SPTBN1: variants seen among roughly 807,000 people sequenced by gnomAD.
SPTBN1 encodes spectrin beta chain, non-erythrocytic 1.
In SPTBN1, 32 loss-of-function variants were observed where a neutral mutation model predicts 266.4. The ratio of observed to expected loss-of-function variants is 0.12; its 90% CI spans 0.09 to 0.16. SPTBN1 has a LOEUF of 0.16. Among genes scored for constraint, SPTBN1 ranks in the 10% least tolerant of loss-of-function variants. The pLI is 1.00. For missense variants in SPTBN1, 2,296 were observed against 3,067.1 expected (o/e 0.75, Z 5.94); for synonymous variants, 1,336 against 1,162.2 (o/e 1.15, Z -3.04).
chr2:54,542,642 A>G (rs1233707334), intron 2 of SPTBN1, among the ~76,000 whole-genome samples: 2 of 152,166 alleles, frequency 1.3e-5, no homozygotes, highest in Admixed American at 1.3e-4. Context: ...AGGAAGGCAC[A>G]GGGAGGAACG....
At chr2:54,643,154 C>T (rs1165074884) in intron 19 of SPTBN1, 25 bp downstream of exon 19, 2 of 1,613,136 alleles carry the variant, frequency 1.2e-6, no homozygotes, top group East Asian at 2.2e-5. Context: ...TTGATGTGGC[C>T]ATGGTGAGAA....
At chr2:54,659,884 T>C in intron 31 of SPTBN1, 52 bp from the exon 32 acceptor site, 3 of 1,587,836 alleles carry the variant, frequency 1.9e-6, no homozygotes, top group Non-Finnish European at 2.6e-6. Flanking sequence ...TACTGTTTCC[T>C]CTTTCTCCTC....
At chr2:54,562,224 CCACTT>C (rs1422530058) in intron 2 of SPTBN1, among the ~76,000 whole-genome samples, 9 of 152,324 alleles carry the variant, frequency 5.9e-5, no homozygotes, top group Non-Finnish European at 1.2e-4. Context: ...AACCATCTCT[CCACTT>C]CACATCAGCC....
chr2:54,545,809 A>G (rs1051382758), intron 2 of SPTBN1, among the ~76,000 whole-genome samples: 1 of 152,074 alleles, frequency 6.6e-6, no homozygotes, highest in Non-Finnish European at 1.5e-5. Flanking sequence ...TCAGACCTCT[A>G]AGATTGTGTA....
At position 54,576,074 on chromosome 2, in the gene SPTBN1, A is replaced by ATTTTTTTTTTTTTTTTTTTTTTTTTTT. The variant is rs1209132160; in HGVS notation, c.149-23018_149-23017insTTTTTTTTTTTTTTTTTTTTTTTTTTT. ...ATCCAGCTTTTTTTTTTTTTTTTTG[A>ATTTTTTTTTTTTTTTTTTTTTTTTTTT]GAGACAGTCTGGCTGTGTCTCCCAG... On this transcript the variant is annotated intron_variant, in intron 2 of 35. Transcript: ENST00000356805. Among the ~76,000 whole-genome samples, 45 of 93,848 alleles carry ATTTTTTTTTTTTTTTTTTTTTTTTTTT rather than the reference A, an allele frequency of 4.8e-4. 11 individuals carry two copies. Among genetic ancestry groups the ATTTTTTTTTTTTTTTTTTTTTTTTTTT allele is most frequent in the Admixed American group, 1.4e-3 (10 of 7,172 alleles). The allele number at this position is 93,848 out of a possible 152,430, so 61.6% of individuals were successfully genotyped here.
chr2:54,547,622 T>A (rs1402765399), intron 2 of SPTBN1, among the ~76,000 whole-genome samples: 1 of 152,238 alleles, frequency 6.6e-6, no homozygotes, highest in African/African-American at 2.4e-5. Flanking sequence ...ACTGAAGCTT[T>A]TAGAATGTTA....
intron 2 of SPTBN1, among the ~76,000 whole-genome samples, chr2:54,568,926 G>T (rs1004258998): frequency 2.6e-5 from 4 of 152,162 alleles, no homozygotes; most frequent in Non-Finnish European, 4.4e-5. Context: ...TTAAATGAAC[G>T]TTCCTGTTCT....
intron 1 of SPTBN1, among the ~76,000 whole-genome samples, chr2:54,479,377 G>C (rs1002308245): frequency 6.6e-6 from 1 of 152,174 alleles, no homozygotes; most frequent in Admixed American, 6.5e-5. Context: ...GTGGAAGGTA[G>C]GACTTGGGAG....
At chr2:54,615,134 G>T (rs1349225717) in intron 4 of SPTBN1, among the ~76,000 whole-genome samples, 1 of 55,074 alleles carries the variant, frequency 1.8e-5, no homozygotes. Context: ...TAAAAATAGA[G>T]AATTTTTTTT....
chr2:54,496,552 T>C (rs1668982662), intron 1 of SPTBN1, among the ~76,000 whole-genome samples: 1 of 152,126 alleles, frequency 6.6e-6, no homozygotes, highest in Admixed American at 6.5e-5. Context: ...ACTTATTTAG[T>C]CATCAAAACA....
intron 2 of SPTBN1, among the ~76,000 whole-genome samples, chr2:54,566,909 C>G (rs945289889): frequency 6.6e-6 from 1 of 152,078 alleles, no homozygotes; most frequent in Non-Finnish European, 1.5e-5. Flanking sequence ...GTTGTTGGCA[C>G]TAACTTAGAC....
At chr2:54,634,890 G>T (rs1325885028) in intron 17 of SPTBN1, among the ~76,000 whole-genome samples, 1 of 152,164 alleles carries the variant, frequency 6.6e-6, no homozygotes, top group African/African-American at 2.4e-5. Flanking sequence ...TCCTCAGCCT[G>T]CCCCAGGGGA....
chr2:54,561,488 A>G (rs1179307272), intron 2 of SPTBN1, among the ~76,000 whole-genome samples: 1 of 152,008 alleles, frequency 6.6e-6, no homozygotes, highest in Non-Finnish European at 1.5e-5. Flanking sequence ...TCTGTGCCTG[A>G]TAGTGCTATG....
Position 54,622,227 on chromosome 2 carries a change from C to T in SPTBN1, c.877-73C>T, listed in dbSNP as rs560483222. On this transcript the variant is annotated intron_variant, in intron 8 of 35. Transcript: ENST00000356805. ...GCCGGTCGTTTTGTGTGCATGCACT[C>T]GTATAGGGTTACAATCGTATTTAAC... 24 of 1,515,018 alleles carry T rather than the reference C, an allele frequency of 1.6e-5. No individual in the cohort carries two copies. The African/African-American group carries it at 1.6e-4, about 10-fold the overall frequency. 93.8% of individuals were successfully genotyped at this position (1,515,018 alleles called of 1,614,324 possible). A position where few individuals can be genotyped will look rare whatever the true frequency, so the allele number is the denominator to read the frequency against.
chr2:54,485,857 G>T (rs1427246544), intron 1 of SPTBN1, among the ~76,000 whole-genome samples: 4 of 151,492 alleles, frequency 2.6e-5, no homozygotes, highest in African/African-American at 9.7e-5. Flanking sequence ...TGTCTGGGAT[G>T]TGAGGAGCGC....
At position 54,630,996 on chromosome 2, in the gene SPTBN1, C is replaced by T; in HGVS notation, c.2949C>T (p.Asp983=). The T allele has an allele frequency of 6.2e-7, 1 of 1,614,168 alleles. No individual in the cohort carries two copies. The highest frequency in any genetic ancestry group is 8.5e-7 in the Non-Finnish European group (1 of 1,180,044). Residue 983 remains aspartate, a synonymous_variant, in exon 16 of 36, where the codon GAC becomes GAT. Coordinates refer to ENST00000356805, the MANE Select transcript of SPTBN1 (RefSeq NM_003128.3). ...CCAAGGTCATCGAGTCCACCCAGGA[C>T]CTGGGCAATGACCTGGCTGGCGTCA... ...EKTKVIESTQ[D]LGNDLAGVMA... is the part of the protein sequence containing the mutation.
intron 2 of SPTBN1, among the ~76,000 whole-genome samples, chr2:54,579,863 G>A (rs1674760004): frequency 6.6e-6 from 1 of 152,220 alleles, no homozygotes; most frequent in Non-Finnish European, 1.5e-5. Context: ...GCCCACAGCA[G>A]TTAACTGTAT....
intron 2 of SPTBN1, among the ~76,000 whole-genome samples, chr2:54,542,342 T>C (rs1339433196): frequency 3.3e-5 from 5 of 152,154 alleles, no homozygotes; most frequent in Admixed American, 6.5e-5. Context: ...CAGAAGGAGC[T>C]CAAGGCAGGA....
At chr2:54,477,264 G>A (rs1667880688) in intron 1 of SPTBN1, among the ~76,000 whole-genome samples, 2 of 152,120 alleles carry the variant, frequency 1.3e-5, no homozygotes, top group Non-Finnish European at 2.9e-5. Flanking sequence ...CACTTAAAAT[G>A]GCTGTAAACT....
Sources: allele counts gnomAD v4.1 joint callset (sites outside exome capture counted in the v4.1 genomes callset), GRCh38; gene constraint gnomAD v4.1.1; transcripts MANE v1.5; gene names NCBI Gene and HGNC (gene_info 2026-07-23, HGNC 2026-07-21).